The following SPECC1 variants were observed in gnomAD, a reference collection of about 807,000 sequenced individuals.
The protein encoded by SPECC1 is sperm antigen with calponin homology and coiled-coil domains 1.
SPECC1 carries 62 observed loss-of-function variants against 104.1 expected under a neutral mutation model. The ratio of observed to expected loss-of-function variants is 0.60; its 90% CI spans 0.49 to 0.74. SPECC1 has a LOEUF of 0.74. Among genes scored for constraint, SPECC1 ranks in the 30% least tolerant of loss-of-function variants. The pLI is 0.00. For synonymous variants in SPECC1, 513 were observed against 501.6 expected (o/e 1.02, Z -0.30); for missense variants, 1,306 against 1,310.5 (o/e 1.00, Z 0.05).
At chr17:20,251,297 A>G (rs1031926752) in intron 9 of SPECC1, among the ~76,000 whole-genome samples, 1 of 151,432 alleles carries the variant, frequency 6.6e-6, no homozygotes, top group Non-Finnish European at 1.5e-5. Context: ...AAAGATTAAT[A>G]TCTTTCTTGA....
At chr17:20,288,078 C>T (rs571361500) in intron 12 of SPECC1, among the ~76,000 whole-genome samples, 1 of 152,008 alleles carries the variant, frequency 6.6e-6, no homozygotes, top group African/African-American at 2.4e-5. Flanking sequence ...TACTAGTTTG[C>T]TGAGGAAAGG....
chr17:20,056,400 G>A (rs374849060), intron 1 of SPECC1: 11 of 186,008 alleles, frequency 5.9e-5, no homozygotes, highest in South Asian at 2.5e-4. Context: ...ACTGGCGTCC[G>A]GAGAAGGGCG....
intron 3 of SPECC1, among the ~76,000 whole-genome samples, chr17:20,173,913 G>C (rs1306821441): frequency 2.2e-5 from 3 of 139,522 alleles, no homozygotes; most frequent in African/African-American, 8.5e-5. Flanking sequence ...TCTATAGACA[G>C]TTGAAGTTTT....
chr17:20,068,573 C>T (rs2046439986), intron 1 of SPECC1, among the ~76,000 whole-genome samples: 1 of 152,180 alleles, frequency 6.6e-6, no homozygotes, highest in Non-Finnish European at 1.5e-5. Context: ...CTGTTTTTCA[C>T]AGTGGCTGTA....
rs192674906 is a variant in SPECC1 at position 20,222,372 on chromosome 17, A to G, written c.1864-5041A>G. Among the ~76,000 whole-genome samples the G allele has an allele frequency of 3.4e-3, 511 of 151,894 alleles. 3 individuals carry two copies. The highest frequency in any genetic ancestry group is 0.012 in the African/African-American group (483 of 41,176). ...TTCAGGAATTATTTTGTGGCCTAAC[A>G]TGTGGTCTCTCCTTGAGAAGAATCA... On this transcript the variant is annotated intron_variant, in intron 4 of 14. Coordinates refer to ENST00000395527, the MANE Select transcript of SPECC1 (RefSeq NM_001243439.2).
chr17:20,142,174 G>A (rs778775093), intron 3 of SPECC1, among the ~76,000 whole-genome samples: 4 of 152,010 alleles, frequency 2.6e-5, no homozygotes, highest in Non-Finnish European at 2.9e-5. Context: ...TTATTATTTT[G>A]GTTAATAAAT....
At chr17:20,141,910 T>G (rs1239738567) in intron 3 of SPECC1, among the ~76,000 whole-genome samples, 1 of 152,258 alleles carries the variant, frequency 6.6e-6, no homozygotes, top group Admixed American at 6.5e-5. Context: ...ATGTTCAAGT[T>G]TCTCTTGGTT....
rs765903879 is a variant in SPECC1 at position 20,246,066 on chromosome 17, G to A, written c.2492G>A (p.Arg831His). 3.7e-6 allele frequency: 6 copies of A among 1,613,622 alleles called. No individual in the cohort carries two copies. The South Asian group carries it at 4.4e-5, about 12-fold the overall frequency. The change falls in exon 8 of 15, where the codon CGC becomes CAC. Residue 831 changes from arginine to histidine, a missense_variant. By Grantham distance (29) the Arg-to-His change is conservative (BLOSUM62 0). Coordinates refer to ENST00000395527, the MANE Select transcript of SPECC1 (RefSeq NM_001243439.2). ...CTTATCAAGTCATTTGACTTGGGAC[G>A]CCCAGGTATTTAATCATTTTTTCTA... is the stretch of plus-strand genomic sequence containing the variant. The part of the protein sequence containing the change: ...KSLIKSFDLG[R>H]PGGAGQNISV...
chr17:20,059,759 G>A (rs1457053880), intron 1 of SPECC1, among the ~76,000 whole-genome samples: 1 of 152,218 alleles, frequency 6.6e-6, no homozygotes, highest in African/African-American at 2.4e-5. Context: ...CTACTTGGGA[G>A]GCTAAGGCAG....
chr17:20,249,494 T>C (rs778737412), intron 9 of SPECC1, among the ~76,000 whole-genome samples: 3 of 151,296 alleles, frequency 2.0e-5, no homozygotes, highest in Non-Finnish European at 4.4e-5. Context: ...AGAGAAAAAA[T>C]AGACAATAGA....
chr17:20,057,374 G>A (rs1383811955), intron 1 of SPECC1, among the ~76,000 whole-genome samples: 1 of 152,202 alleles, frequency 6.6e-6, no homozygotes, highest in Non-Finnish European at 1.5e-5. Context: ...CCGGGAGGCA[G>A]AGCTTGCAGT....
chr17:20,145,543 G>C (rs1445767259), intron 3 of SPECC1, among the ~76,000 whole-genome samples: 1 of 152,192 alleles, frequency 6.6e-6, no homozygotes, highest in Non-Finnish European at 1.5e-5. Context: ...ACCGAGGACA[G>C]AGTCCCATGG....
chr17:20,301,147 C>T (rs764690048), intron 13 of SPECC1, among the ~76,000 whole-genome samples: 7 of 152,140 alleles, frequency 4.6e-5, no homozygotes, highest in Admixed American at 1.3e-4. Flanking sequence ...CCATATCTAT[C>T]ACAGTTACGG....
intron 1 of SPECC1, among the ~76,000 whole-genome samples, chr17:20,091,964 C>T (rs775222803): frequency 4.6e-5 from 7 of 152,156 alleles, no homozygotes; most frequent in Admixed American, 3.9e-4. Flanking sequence ...GGCGGAACAG[C>T]GTGTTTTCAG....
intron 1 of SPECC1, among the ~76,000 whole-genome samples, chr17:20,057,398 G>A (rs1325280826): frequency 2.0e-5 from 3 of 152,112 alleles, no homozygotes; most frequent in South Asian, 2.1e-4. Context: ...CCAAGATCAC[G>A]CCACTGCACT....
At chr17:20,192,001 A>G (rs1040571158) in intron 3 of SPECC1, among the ~76,000 whole-genome samples, 2 of 152,020 alleles carry the variant, frequency 1.3e-5, no homozygotes, top group African/African-American at 4.8e-5. Flanking sequence ...CAGTGGTGCA[A>G]TTATGACTTA....
chr17:20,112,510 T>A, intron 3 of SPECC1: 1 of 770,572 alleles, frequency 1.3e-6, no homozygotes, highest in Non-Finnish European at 2.4e-6. Flanking sequence ...GTGCTGATCT[T>A]TCTCATTTGG....
intron 8 of SPECC1, among the ~76,000 whole-genome samples, chr17:20,246,775 T>C (rs975757883): frequency 2.6e-5 from 4 of 152,198 alleles, no homozygotes; most frequent in African/African-American, 9.7e-5. Context: ...AAACATGCCA[T>C]TGTATTGGGA....
chr17:20,096,291 T>G (rs1404355464), intron 1 of SPECC1, among the ~76,000 whole-genome samples: 1 of 152,224 alleles, frequency 6.6e-6, no homozygotes, highest in Non-Finnish European at 1.5e-5. Context: ...ATTGGTTGAC[T>G]CTGGCTGACC....
Sources: gnomAD v4.1 joint callset for allele counts (sites outside exome capture counted in the v4.1 genomes callset) on GRCh38, gnomAD v4.1.1 for gene constraint, MANE v1.5 for transcripts, NCBI Gene and HGNC (gene_info 2026-07-23, HGNC 2026-07-21) for gene names.